The following GDPD5 variants were observed in gnomAD, a reference collection of about 807,000 sequenced individuals.
GDPD5 encodes glycerophosphodiester phosphodiesterase domain containing 5, also known as glycerophosphodiester phosphodiesterase 2.
GDPD5 carries 48 observed loss-of-function variants against 75.1 expected under a neutral mutation model. That is an observed-to-expected ratio of 0.64 (90% CI 0.51 to 0.81). The LOEUF is 0.81. GDPD5 is among the 40% of genes least tolerant of loss of function. GDPD5 has a pLI of 0.00. For synonymous variants in GDPD5, 336 were observed against 339.0 expected, an observed-to-expected ratio of 0.99 and a Z score of 0.10; for missense variants, 706 against 822.6, an observed-to-expected ratio of 0.86 and a Z score of 1.73.
chr11:75,441,503 G>A, intron 13 of GDPD5, 143 bp downstream of exon 13: 2 of 1,118,548 alleles, frequency 1.8e-6, no homozygotes, highest in Non-Finnish European at 2.6e-6. Context: ...TTTGAACCAT[G>A]TGTGCCTGAT....
At chr11:75,504,913 G>A (rs954630548) in intron 1 of GDPD5, among the ~76,000 whole-genome samples, 1 of 152,172 alleles carries the variant, frequency 6.6e-6, no homozygotes, top group Non-Finnish European at 1.5e-5. Context: ...GGATCATGAG[G>A]TCAGGAGTTC....
At chr11:75,447,518 T>C (rs1254091824) in intron 9 of GDPD5, among the ~76,000 whole-genome samples, 1 of 152,220 alleles carries the variant, frequency 6.6e-6, no homozygotes, top group Non-Finnish European at 1.5e-5. Context: ...GAAGCAAGAA[T>C]GGCCAAACGT....
At chr11:75,503,659 A>T (rs946844236) in intron 1 of GDPD5, among the ~76,000 whole-genome samples, 1 of 152,240 alleles carries the variant, frequency 6.6e-6, no homozygotes, top group Non-Finnish European at 1.5e-5. Flanking sequence ...AATGAAAGTG[A>T]GCAAAAGCAG....
At chr11:75,480,590 G>A (rs1203782137) in intron 2 of GDPD5, among the ~76,000 whole-genome samples, 3 of 152,138 alleles carry the variant, frequency 2.0e-5, no homozygotes, top group African/African-American at 7.2e-5. Context: ...CATCCCCAAA[G>A]TATCATCATC....
intron 4 of GDPD5, among the ~76,000 whole-genome samples, chr11:75,460,709 G>T (rs991799721): frequency 1.3e-5 from 2 of 152,026 alleles, no homozygotes; most frequent in East Asian, 3.9e-4. Context: ...GCCTCCCAAC[G>T]TGCTGAGATT....
intron 1 of GDPD5, among the ~76,000 whole-genome samples, chr11:75,520,418 C>G (rs1950732840): frequency 6.6e-6 from 1 of 152,206 alleles, no homozygotes; most frequent in Admixed American, 6.5e-5. Context: ...GCAGCTTGCA[C>G]TGCCTCCCCT....
intron 9 of GDPD5, among the ~76,000 whole-genome samples, chr11:75,446,734 A>G (rs987063919): frequency 6.6e-6 from 1 of 152,194 alleles, no homozygotes; most frequent in African/African-American, 2.4e-5. Flanking sequence ...CCCCAAGGCA[A>G]TGCACAGGGA....
chr11:75,452,160 C>T (rs190100726), intron 6 of GDPD5: 2 of 152,312 alleles, frequency 1.3e-5, no homozygotes, highest in African/African-American at 4.8e-5. Flanking sequence ...TGCAGAGGTG[C>T]AACAGCTGGC....
intron 1 of GDPD5, among the ~76,000 whole-genome samples, chr11:75,524,753 C>G (rs1941597985): frequency 6.6e-6 from 1 of 152,226 alleles, no homozygotes. Flanking sequence ...CTTCCCACCT[C>G]TACCCTCAAC....
intron 2 of GDPD5, among the ~76,000 whole-genome samples, chr11:75,488,732 C>T (rs761658909): frequency 1.3e-5 from 2 of 152,206 alleles, no homozygotes; most frequent in African/African-American, 2.4e-5. Flanking sequence ...AGCCCACTGC[C>T]TCCTCCTTTT....
chr11:75,442,511 CA>C lies in GDPD5; in HGVS notation c.1018del (p.Cys340AlafsTer36). On this transcript the variant is annotated frameshift_variant, in exon 12 of 17. Transcript: ENST00000336898. LOFTEE classifies it high-confidence loss of function. ...CAGCTCCAGGAGCTCTGCCAGGCTG[CA>C]GATGGACTGGTTCTGGGCCTCTCTG... ...DHREAQNQSI[C>X]SLAELLELAK... 2 of 1,614,096 alleles carry C rather than the reference CA, an allele frequency of 1.2e-6. No homozygotes were observed. Among genetic ancestry groups the C allele is most frequent in the Non-Finnish European group, 1.7e-6 (2 of 1,180,022 alleles).
chr11:75,504,983 G>A (rs929420225), intron 1 of GDPD5, among the ~76,000 whole-genome samples: 8 of 152,068 alleles, frequency 5.3e-5, no homozygotes, highest in Admixed American at 2.6e-4. Context: ...AAAATTAGCC[G>A]GGTGTGCGCA....
At chr11:75,440,549 T>G (rs1243757671) in intron 14 of GDPD5, among the ~76,000 whole-genome samples, 1 of 152,208 alleles carries the variant, frequency 6.6e-6, no homozygotes. Flanking sequence ...GAGCAGATTT[T>G]AATTGTTTCC....
At chr11:75,437,338 G>A (rs1948653134) in intron 15 of GDPD5, 2 of 423,076 alleles carry the variant, frequency 4.7e-6, no homozygotes, top group Admixed American at 8.0e-5. Context: ...CCCCAGTAAT[G>A]CACCTGGCTC....
intron 1 of GDPD5, among the ~76,000 whole-genome samples, chr11:75,520,732 A>G (rs1168512612): frequency 6.6e-6 from 1 of 152,248 alleles, no homozygotes; most frequent in Non-Finnish European, 1.5e-5. Context: ...GCCTTGGCCT[A>G]CAAAGCTCTG....
intron 2 of GDPD5, among the ~76,000 whole-genome samples, chr11:75,487,738 C>A (rs1009665060): frequency 7.2e-5 from 11 of 152,310 alleles, no homozygotes; most frequent in African/African-American, 2.6e-4. Context: ...GCCTTGGGTT[C>A]TCTTGGTACA....
chr11:75,511,280 G>T (rs149358276), intron 1 of GDPD5, among the ~76,000 whole-genome samples: 257 of 152,274 alleles, frequency 1.7e-3, no homozygotes, highest in African/African-American at 5.7e-3. Context: ...CTGGCTGGGG[G>T]TTTCCTTGCA....
chr11:75,522,826 C>T lies in GDPD5; in HGVS notation c.-145+2384G>A, dbSNP rs1310715687. Among the ~76,000 whole-genome samples the T allele has an allele frequency of 2.6e-5, 4 of 152,108 alleles. 1 individual carries two copies. Among genetic ancestry groups the T allele is most frequent in the African/African-American group, 2.4e-5 (1 of 41,514 alleles). On this transcript the variant is annotated intron_variant, in intron 1 of 16. Coordinates refer to ENST00000336898, the MANE Select transcript of GDPD5 (RefSeq NM_030792.8). ...CACCTTGGTGCCTAGGGAGGTCAGACAATGGGCCCGAGGGAATGGACACCA... is the reference window on the plus strand; with the variant it reads ...CACCTTGGTGCCTAGGGAGGTCAGATAATGGGCCCGAGGGAATGGACACCA...
At chr11:75,458,846 G>A (rs928634686) in intron 4 of GDPD5, among the ~76,000 whole-genome samples, 2 of 152,062 alleles carry the variant, frequency 1.3e-5, no homozygotes, top group Admixed American at 6.6e-5. Context: ...GCAGGGATGC[G>A]AACATGGCTC....
Sources: allele counts gnomAD v4.1 joint callset (sites outside exome capture counted in the v4.1 genomes callset), GRCh38; gene constraint gnomAD v4.1.1; transcripts MANE v1.5; gene names NCBI Gene and HGNC (gene_info 2026-07-23, HGNC 2026-07-21).